The following CENPN variants were observed in gnomAD, a reference collection of about 807,000 sequenced individuals.
CENPN encodes the protein centromere protein N.
Under a neutral mutation model 48.6 loss-of-function variants are expected in CENPN, and 36 were observed. The ratio of observed to expected loss-of-function variants is 0.74; its 90% CI spans 0.57 to 0.98. The LOEUF (loss-of-function observed/expected upper bound fraction) is 0.98, where lower values mean the gene tolerates loss of function less well. Among genes scored for constraint, CENPN ranks in the 50% least tolerant of loss-of-function variants. The probability of loss-of-function intolerance (pLI) is 0.00; values close to 1 mark genes in which losing one functional copy is unlikely to be tolerated. For synonymous variants in CENPN, 166 were observed against 135.2 expected, an observed-to-expected ratio of 1.23 and a Z score of -1.58; for missense variants, 439 against 399.2, an observed-to-expected ratio of 1.10 and a Z score of -0.85.
chr16:81,028,965 T>C lies in CENPN; in HGVS notation c.*314T>C, dbSNP rs1302121785. 9.8e-7 allele frequency: 1 copy of C among 1,025,512 alleles called. No individual in the cohort carries two copies. The highest frequency in any genetic ancestry group is 1.7e-5 in the African/African-American group (1 of 58,610). The allele number at this position is 1,025,512 out of a possible 1,614,324, so 63.5% of individuals were successfully genotyped here. A position where few individuals can be genotyped will look rare whatever the true frequency, so the allele number is the denominator to read the frequency against. ...CATATGGCACAGCGCTCAAGACTTT[T>C]GGGTTTGTGTCCTTTTTTCTATGGC... On this transcript the variant is annotated 3_prime_UTR_variant, in exon 11 of 11. Transcript: ENST00000305850.
intron 1 of CENPN, among the ~76,000 whole-genome samples, chr16:81,007,626 A>G (rs1969494963): frequency 6.6e-6 from 1 of 151,708 alleles, no homozygotes; most frequent in Non-Finnish European, 1.5e-5. Context: ...CTTTTCTGTC[A>G]CCTCGGCTTC....
chr16:81,021,857 C>T (rs1332163355), intron 6 of CENPN, among the ~76,000 whole-genome samples: 2 of 151,826 alleles, frequency 1.3e-5, no homozygotes, highest in Admixed American at 6.6e-5. Flanking sequence ...AAGGTTCAAG[C>T]GATTCTCCTG....
chr16:81,020,547 T>C, intron 6 of CENPN: 1 of 288,024 alleles, frequency 3.5e-6, no homozygotes, highest in Non-Finnish European at 6.4e-6. Flanking sequence ...GTAATTCTTG[T>C]TCTCCTAAAA....
rs1237549100 is a variant in CENPN at position 81,029,646 on chromosome 16, G to T, written c.*995G>T. ...GCTGGAGTGCAATGGCACAATCTTG[G>T]CTCCCTGCAACCTCTGCCTCCTGGG... is the stretch of plus-strand genomic sequence containing the variant. On this transcript the variant is annotated 3_prime_UTR_variant, in exon 11 of 11. Transcript: ENST00000305850. 6.6e-6 allele frequency among the ~76,000 whole-genome samples: 1 copy of T among 152,036 alleles called. No individual in the cohort carries two copies. Among genetic ancestry groups the T allele is most frequent in the Non-Finnish European group, 1.5e-5 (1 of 67,996 alleles).
At chr16:81,026,420 T>A in intron 8 of CENPN, 106 bp from the exon 9 acceptor site, 1 of 490,550 alleles carries the variant, frequency 2.0e-6, no homozygotes, top group South Asian at 4.1e-5. Context: ...GTAAATATTA[T>A]TTTAAAATTA....
rs1260033206 is a variant in CENPN at position 81,028,850 on chromosome 16, A to C, written c.*199A>C. 7.5e-7 allele frequency: 1 copy of C among 1,340,948 alleles called. No homozygotes were observed. The highest frequency in any genetic ancestry group is 9.5e-7 in the Non-Finnish European group (1 of 1,051,274). The allele number at this position is 1,340,948 out of a possible 1,614,324, so 83.1% of individuals were successfully genotyped here. A position where few individuals can be genotyped will look rare whatever the true frequency, so the allele number is the denominator to read the frequency against. On this transcript the variant is annotated 3_prime_UTR_variant, in exon 11 of 11. Transcript: ENST00000305850. ...GCCTCCTCTCTCTGATATCCTGCTA[A>C]CTGTAGCCGTTGTGGCATTTGAGAT...
At chr16:81,019,876 CA>C (rs59491925) in intron 5 of CENPN, among the ~76,000 whole-genome samples, 134 of 124,420 alleles carry the variant, frequency 1.1e-3, no homozygotes, top group Non-Finnish European at 1.3e-3. Flanking sequence ...GACCTAGTCT[CA>C]AAAAAAAAAA....
At chr16:81,013,563 A>G (rs982514519) in intron 2 of CENPN, among the ~76,000 whole-genome samples, 1 of 152,222 alleles carries the variant, frequency 6.6e-6, no homozygotes, top group Admixed American at 6.5e-5. Context: ...CCTACTAAAA[A>G]TACAAAAATC....
intron 6 of CENPN, among the ~76,000 whole-genome samples, chr16:81,021,413 A>G (rs1970191629): frequency 6.6e-6 from 1 of 152,152 alleles, no homozygotes; most frequent in African/African-American, 2.4e-5. Context: ...AATTGGTTCC[A>G]GAGCTGCCAC....
chr16:81,028,229 C>T lies in CENPN; in HGVS notation c.869C>T (p.Pro290Leu). 6.2e-7 allele frequency: 1 copy of T among 1,613,078 alleles called. No individual in the cohort carries two copies. The highest frequency in any genetic ancestry group is 8.5e-7 in the Non-Finnish European group (1 of 1,179,094). The part of the protein sequence containing the change: ...NGSILAEREE[P>L]LRCLIKFSSP... ...AGCATCTTGGCTGAGAGGGAAGAAC[C>T]CCTCCGATGCCTAATAAAGTTCTCT... The change falls in exon 10 of 11, where the codon CCC becomes CTC. Residue 290 changes from proline to leucine, a missense_variant. Pro to Leu is a moderately conservative substitution (Grantham distance 98). Transcript: ENST00000305850.
chr16:81,029,367 CT>C lies in CENPN; in HGVS notation c.*721del. 1 of 918,480 alleles carries C rather than the reference CT, an allele frequency of 1.1e-6. No individual in the cohort carries two copies. The highest frequency in any genetic ancestry group is 1.3e-6 in the Non-Finnish European group (1 of 769,074). The allele number at this position is 918,480 out of a possible 1,614,324, so 56.9% of individuals were successfully genotyped here. A position where few individuals can be genotyped will look rare whatever the true frequency, so the allele number is the denominator to read the frequency against. ...CAGTGATCATCACTAAATACCCTAT[CT>C]TTTTAAAAATTTTTTCCTTTCTAAT... On this transcript the variant is annotated 3_prime_UTR_variant, in exon 11 of 11. Coordinates refer to ENST00000305850, the MANE Select transcript of CENPN (RefSeq NM_001100624.3).
chr16:81,024,657 T>G (rs1970379100), intron 7 of CENPN, 58 bp from the exon 8 acceptor site: 6 of 1,138,928 alleles, frequency 5.3e-6, no homozygotes, highest in African/African-American at 1.6e-5. Context: ...AAAAAAAAAA[T>G]TAATATCTGT....
In CENPN at chr16:81,029,580, TG is replaced by T. The variant is rs1235668972; in HGVS notation, c.*930del. ...CTGCCCAGCTAATTTTTTTTTTGTT[TG>T]TTTTTTGTTTTTTGAGACAAGTCTC... On this transcript the variant is annotated 3_prime_UTR_variant, in exon 11 of 11. Coordinates refer to ENST00000305850, the MANE Select transcript of CENPN (RefSeq NM_001100624.3). Among the ~76,000 whole-genome samples the T allele has an allele frequency of 1.3e-5, 2 of 151,728 alleles. No individual in the cohort carries two copies. Among genetic ancestry groups the T allele is most frequent in the Non-Finnish European group, 2.9e-5 (2 of 67,918 alleles).
At chr16:81,020,024 T>C (rs1473825867) in intron 5 of CENPN, 76 bp from the exon 6 acceptor site, 2 of 1,354,684 alleles carry the variant, frequency 1.5e-6, no homozygotes, top group African/African-American at 1.5e-5. Flanking sequence ...TGTTCACCCC[T>C]AATAAGCACC....
chr16:81,009,304 A>C (rs980981716), intron 1 of CENPN, among the ~76,000 whole-genome samples: 1 of 152,118 alleles, frequency 6.6e-6, no homozygotes. Context: ...GAAACCATCT[A>C]AGCTAACACC....
In CENPN at chr16:81,012,014, G is replaced by A; in HGVS notation, c.75G>A (p.Leu25=). The A allele has an allele frequency of 6.2e-7, 1 of 1,614,142 alleles. No individual in the cohort carries two copies. The highest frequency in any genetic ancestry group is 8.5e-7 in the Non-Finnish European group (1 of 1,179,972). Residue 25 remains leucine, a synonymous_variant, in exon 2 of 11, where the codon CTG becomes CTA. Transcript: ENST00000305850. ...KIPMNELTTI[L]KAWDFLSENQ... ...CCATGAATGAACTGACAACAATCCT[G>A]AAGGCCTGGGATTTTTTGTCTGAAA...
intron 1 of CENPN, among the ~76,000 whole-genome samples, chr16:81,010,634 C>G (rs781737780): frequency 1.3e-5 from 2 of 152,020 alleles, no homozygotes; most frequent in Non-Finnish European, 2.9e-5. Context: ...TATTCGGTAT[C>G]TCCATTTGGA....
In CENPN at chr16:81,022,657, C is replaced by G. The variant is rs1970270728; in HGVS notation, c.592C>G (p.Leu198Val). 2 of 1,613,954 alleles carry G rather than the reference C, an allele frequency of 1.2e-6. No individual in the cohort carries two copies. Among genetic ancestry groups the G allele is most frequent in the Non-Finnish European group, 8.5e-7 (1 of 1,179,998 alleles). Residue 198 changes from leucine (L) to valine (V), a missense_variant, in exon 7 of 11, where the codon CTG becomes GTG. Leu to Val is a conservative substitution (Grantham distance 32, BLOSUM62 1). Coordinates refer to ENST00000305850, the MANE Select transcript of CENPN (RefSeq NM_001100624.3). ...IVKMDLRSRY[L>V]DSLKAIVFKQ... ...GAAAATGGACCTGAGAAGTCGGTAT[C>G]TGGACTCTCTTAAGGCTATTGTTTT... is the stretch of plus-strand genomic sequence containing the variant.
Position 81,028,908 on chromosome 16 carries a change from G to T in CENPN, c.*257G>T. 1.8e-6 allele frequency: 2 copies of T among 1,139,704 alleles called. No homozygotes were observed. The highest frequency in any genetic ancestry group is 2.2e-6 in the Non-Finnish European group (2 of 929,572). The allele number at this position is 1,139,704 out of a possible 1,614,324, so 70.6% of individuals were successfully genotyped here. Reference sequence around the variant, plus strand: ...CATATATATATATGGCCCCACACTTGACCTTGAGTGCCTGAATGCTCTGAA... The same window carrying T: ...CATATATATATATGGCCCCACACTTTACCTTGAGTGCCTGAATGCTCTGAA... On this transcript the variant is annotated 3_prime_UTR_variant, in exon 11 of 11. Transcript: ENST00000305850.
Sources: allele counts gnomAD v4.1 joint callset (sites outside exome capture counted in the v4.1 genomes callset), GRCh38; gene constraint gnomAD v4.1.1; transcripts MANE v1.5; gene names NCBI Gene and HGNC (gene_info 2026-07-23, HGNC 2026-07-21).